TLE1: variants seen among roughly 807,000 people sequenced by gnomAD.
The protein encoded by TLE1 is transducin-like enhancer protein 1.
Under a neutral mutation model 89.8 loss-of-function variants are expected in TLE1, and 21 were observed. The observed-to-expected ratio is 0.23, with a 90% CI of 0.17 to 0.34. TLE1 has a LOEUF of 0.34. TLE1 is among the 10% of genes least tolerant of loss of function. The pLI is 1.00. For missense variants in TLE1, 795 were observed against 1,031.2 expected, an observed-to-expected ratio of 0.77 and a Z score of 3.14; for synonymous variants, 447 against 407.6, an observed-to-expected ratio of 1.10 and a Z score of -1.16.
intron 14 of TLE1, among the ~76,000 whole-genome samples, chr9:81,606,292 A>G (rs1193977287): frequency 6.6e-6 from 1 of 152,238 alleles, no homozygotes; most frequent in Non-Finnish European, 1.5e-5. Context: ...AAGGATTATA[A>G]ATCATGCTGC....
At chr9:81,637,998 T>C (rs1220060744) in intron 6 of TLE1, among the ~76,000 whole-genome samples, 1 of 152,138 alleles carries the variant, frequency 6.6e-6, no homozygotes, top group Non-Finnish European at 1.5e-5. Flanking sequence ...CCCCAGCAGC[T>C]CAATCATGTT....
chr9:81,653,486 A>G lies in TLE1; in HGVS notation c.297+488T>C, dbSNP rs182342206. ...TGTAACTAAACAAAATAGCTTATACATACATATGACTCATTAAGTTAATGT... is the reference window on the plus strand; with the variant it reads ...TGTAACTAAACAAAATAGCTTATACGTACATATGACTCATTAAGTTAATGT... On this transcript the variant is annotated intron_variant, in intron 5 of 19. Coordinates refer to ENST00000376499, the MANE Select transcript of TLE1 (RefSeq NM_005077.5). Among the ~76,000 whole-genome samples, 5 of 152,370 alleles carry G rather than the reference A, an allele frequency of 3.3e-5. No homozygotes were observed. The East Asian group carries it at 9.6e-4, about 29-fold the overall frequency.
chr9:81,667,869 G>A (rs1436766026), intron 4 of TLE1, among the ~76,000 whole-genome samples: 1 of 152,166 alleles, frequency 6.6e-6, no homozygotes, highest in African/African-American at 2.4e-5. Context: ...AAAGTAGCCA[G>A]AAGGATACTC....
intron 16 of TLE1, among the ~76,000 whole-genome samples, chr9:81,589,616 C>T (rs146713435): frequency 6.6e-6 from 1 of 152,214 alleles, no homozygotes; most frequent in African/African-American, 2.4e-5. Context: ...TGACCTGAAG[C>T]CAGTAACTTA....
intron 6 of TLE1, among the ~76,000 whole-genome samples, 197 bp from the exon 7 acceptor site, chr9:81,634,498 T>C (rs965869200): frequency 6.6e-6 from 1 of 152,054 alleles, no homozygotes; most frequent in African/African-American, 2.4e-5. Context: ...GATTAGTGCT[T>C]TCAGTTCATC....
chr9:81,635,942 G>T (rs1341775881), intron 6 of TLE1, among the ~76,000 whole-genome samples: 1 of 152,104 alleles, frequency 6.6e-6, no homozygotes, highest in Non-Finnish European at 1.5e-5. Context: ...GAAGATCACT[G>T]CAGCCCAAGA....
At chr9:81,626,250 C>A (rs1588023581) in intron 8 of TLE1, among the ~76,000 whole-genome samples, 1 of 152,100 alleles carries the variant, frequency 6.6e-6, no homozygotes, top group African/African-American at 2.4e-5. Context: ...CTCATTTATC[C>A]TCAGTTACAC....
In TLE1 at chr9:81,688,266, T is replaced by C. The variant is rs759125514; in HGVS notation, c.-26A>G. On this transcript the variant is annotated 5_prime_UTR_variant, in exon 1 of 20. Transcript: ENST00000376499. ...CGCTCTGGCGGCGGCCGGGGCTCTG[T>C]TCCCCGGCAACTCAATTCTCCGGTC... The C allele has an allele frequency of 4.5e-6, 7 of 1,559,422 alleles. No homozygotes were observed. Among genetic ancestry groups the C allele is most frequent in the Non-Finnish European group, 6.0e-6 (7 of 1,157,626 alleles).
At chr9:81,615,161 A>G (rs1011071228) in intron 11 of TLE1, among the ~76,000 whole-genome samples, 7 of 141,098 alleles carry the variant, frequency 5.0e-5, no homozygotes, top group African/African-American at 1.8e-4. Context: ...ATGCGTGTAC[A>G]CCCTCTCTAA....
rs370774622 is a variant in TLE1 at position 81,611,754 on chromosome 9, C to T, written c.1254+15G>A. The T allele has an allele frequency of 3.3e-5, 50 of 1,501,104 alleles. No individual in the cohort carries two copies. In the African/African-American group the frequency reaches 6.6e-4, roughly 20 times the overall value. The allele number at this position is 1,501,104 out of a possible 1,614,324, so 93.0% of individuals were successfully genotyped here. On this transcript the variant is annotated intron_variant, in intron 13 of 19. Coordinates refer to ENST00000376499, the MANE Select transcript of TLE1 (RefSeq NM_005077.5). ...CGTTCCTACCCCAACCACAGCCCACCCGACAGCGGCCTACCATGGGGGAGC... is the reference window on the plus strand; with the variant it reads ...CGTTCCTACCCCAACCACAGCCCACTCGACAGCGGCCTACCATGGGGGAGC...
chr9:81,639,204 G>A (rs2132435953), intron 6 of TLE1, among the ~76,000 whole-genome samples: 1 of 150,454 alleles, frequency 6.6e-6, no homozygotes, highest in Non-Finnish European at 1.5e-5. Flanking sequence ...GGGATTACAG[G>A]TGTGGGCCAC....
intron 4 of TLE1, among the ~76,000 whole-genome samples, chr9:81,684,214 T>C (rs551234417): frequency 6.6e-6 from 1 of 150,408 alleles, no homozygotes; most frequent in Admixed American, 6.6e-5. Flanking sequence ...TAAATGACGA[T>C]AGATGTTAGC....
At chr9:81,592,313 C>T (rs1470043356) in intron 15 of TLE1, among the ~76,000 whole-genome samples, 2 of 152,158 alleles carry the variant, frequency 1.3e-5, no homozygotes, top group Admixed American at 6.5e-5. Context: ...AGCCGAGATC[C>T]GGCCACTGCA....
At chr9:81,618,765 A>T (rs891821110) in intron 9 of TLE1, among the ~76,000 whole-genome samples, 1 of 152,244 alleles carries the variant, frequency 6.6e-6, no homozygotes, top group Non-Finnish European at 1.5e-5. Flanking sequence ...ACACATAAGG[A>T]ACTAGCAAAA....
intron 1 of TLE1, 116 bp downstream of exon 1, chr9:81,688,101 C>T (rs1341611559): frequency 6.0e-5 from 82 of 1,375,366 alleles, no homozygotes; most frequent in Non-Finnish European, 7.8e-5. Context: ...CCCAGCCTTA[C>T]ACCGCTGAGG....
At chr9:81,644,634 T>A (rs1478039556) in intron 6 of TLE1, among the ~76,000 whole-genome samples, 1 of 151,936 alleles carries the variant, frequency 6.6e-6, no homozygotes, top group Non-Finnish European at 1.5e-5. Context: ...CTAGAAAAAT[T>A]TTATAGTCGT....
At chr9:81,644,881 T>C (rs567415619) in intron 6 of TLE1, among the ~76,000 whole-genome samples, 29 of 149,774 alleles carry the variant, frequency 1.9e-4, no homozygotes, top group African/African-American at 6.4e-4. Context: ...GTAATCCCAA[T>C]TACTCGGGAG....
intron 4 of TLE1, among the ~76,000 whole-genome samples, chr9:81,654,939 C>A (rs1210310043): frequency 6.6e-6 from 1 of 152,160 alleles, no homozygotes; most frequent in African/African-American, 2.4e-5. Context: ...ATGGTCAAGT[C>A]ATGATATCCT....
At chr9:81,647,185 G>T (rs1290468177) in intron 6 of TLE1, among the ~76,000 whole-genome samples, 1 of 152,154 alleles carries the variant, frequency 6.6e-6, no homozygotes, top group East Asian at 1.9e-4. Flanking sequence ...GGCATTTTGT[G>T]GACGGGAGGA....
Sources: gnomAD v4.1 joint callset for allele counts (sites outside exome capture counted in the v4.1 genomes callset) on GRCh38, gnomAD v4.1.1 for gene constraint, MANE v1.5 for transcripts, NCBI Gene and HGNC (gene_info 2026-07-23, HGNC 2026-07-21) for gene names.